The following TELO2 variants were observed in gnomAD, a reference collection of about 807,000 sequenced individuals.
TELO2 encodes the protein telomere length regulation protein TEL2 homolog.
A neutral mutation model predicts 91.0 loss-of-function variants in TELO2; 71 were observed. The ratio of observed to expected loss-of-function variants is 0.78; its 90% CI spans 0.64 to 0.95. The LOEUF (loss-of-function observed/expected upper bound fraction) is 0.95, where lower values mean the gene tolerates loss of function less well. Ranked by LOEUF, TELO2 falls within the 40% of genes least tolerant of loss-of-function variation. The probability of loss-of-function intolerance (pLI) is 0.00; values close to 1 mark genes in which losing one functional copy is unlikely to be tolerated. For missense variants in TELO2, 1,183 were observed against 1,141.3 expected (o/e 1.04, Z -0.53); for synonymous variants, 584 against 518.9 (o/e 1.13, Z -1.71).
chr16:1,504,433 C>T (rs1315132491), intron 15 of TELO2, among the ~76,000 whole-genome samples: 2 of 26,924 alleles, frequency 7.4e-5, no homozygotes, highest in Middle Eastern at 0.05. Context: ...GACTCCATCT[C>T]AAAAAAAAAA....
chr16:1,497,044 G>T lies in TELO2; in HGVS notation c.622G>T (p.Asp208Tyr), dbSNP rs142753188. 353 of 1,613,886 alleles carry T rather than the reference G, an allele frequency of 2.2e-4. No individual in the cohort carries two copies. The highest frequency in any genetic ancestry group is 2.9e-4 in the Non-Finnish European group (337 of 1,179,966). ...AVVDSLQGGL[D>Y]SSVSFVSQVL... The stretch of plus-strand genomic sequence containing the variant: ...CTCCCTTTCTGTCCCAGGTGGCCTG[G>T]ATTCCTCCGTGTCCTTCGTGTCTCA... Residue 208 changes from aspartate (D) to tyrosine (Y), a missense_variant, in exon 4 of 21, where the codon GAT (aspartate) becomes TAT (tyrosine). Coordinates refer to ENST00000262319, the MANE Select transcript of TELO2 (RefSeq NM_016111.4). The surrounding 1 kb of genome is among the most constrained non-coding windows in gnomAD (Gnocchi z 4.0).
In TELO2 at chr16:1,500,174, T is replaced by C; in HGVS notation, c.1002+10T>C. 6.3e-7 allele frequency: 1 copy of C among 1,597,106 alleles called. No homozygotes were observed. The highest frequency in any genetic ancestry group is 8.5e-7 in the Non-Finnish European group (1 of 1,176,014). On this transcript the variant is annotated intron_variant, in intron 7 of 20. Coordinates refer to ENST00000262319, the MANE Select transcript of TELO2 (RefSeq NM_016111.4). Reference sequence around the variant, plus strand: ...CCCGCTCCTGCTGCAGGTACGTGCCTCCTGGCTCTCCGTCCCTGCGAGGCC... The same window carrying C: ...CCCGCTCCTGCTGCAGGTACGTGCCCCCTGGCTCTCCGTCCCTGCGAGGCC...
rs772830050 is a variant in TELO2 at position 1,510,423 on chromosome 16, G to C, written c.*487G>C. 9.0e-6 allele frequency: 2 copies of C among 223,044 alleles called. No homozygotes were observed. The highest frequency in any genetic ancestry group is 4.7e-5 in the African/African-American group (2 of 42,514). 13.8% of individuals were successfully genotyped at this position (223,044 alleles called of 1,614,324 possible). A position where few individuals can be genotyped will look rare whatever the true frequency, so the allele number is the denominator to read the frequency against. On this transcript the variant is annotated 3_prime_UTR_variant, in exon 21 of 21. Transcript: ENST00000262319. ...CGTGGGGCGGGATGGGACAGGGCACGGGCTCTCAGAAAATAAACTGCTTTA... is the reference window on the plus strand; with the variant it reads ...CGTGGGGCGGGATGGGACAGGGCACCGGCTCTCAGAAAATAAACTGCTTTA...
In TELO2 at chr16:1,506,286, G is replaced by A. The variant is rs772827036; in HGVS notation, c.2083G>A (p.Val695Met). 4.3e-6 allele frequency: 7 copies of A among 1,613,862 alleles called. No homozygotes were observed. The highest frequency in any genetic ancestry group is 1.3e-5 in the African/African-American group (1 of 74,942). ...AGGCAGCCCCAGCAGATTCAACTCC[G>A]TGGCCGGCCACTTCTTCTTCCCCCT... ...PAGSPSRFNSVAGHFFFPLLQ... is the reference protein window; with the variant it reads ...PAGSPSRFNSMAGHFFFPLLQ... The change falls in exon 17 of 21, where the codon GTG becomes ATG. Residue 695 changes from valine (V) to methionine (M), a missense_variant. Coordinates refer to ENST00000262319, the MANE Select transcript of TELO2 (RefSeq NM_016111.4).
rs764398467 is a variant in TELO2 at position 1,509,866 on chromosome 16, C to T, written c.2444C>T (p.Thr815Met). The change falls in exon 21 of 21, where the codon ACG (threonine) becomes ATG (methionine). Residue 815 changes from threonine (T) to methionine (M), a missense_variant. Thr to Met is a moderately conservative substitution (Grantham distance 81, BLOSUM62 -1). Transcript: ENST00000262319. The part of the protein sequence containing the change: ...AEKDPDEDCR[T>M]LALRALLLLQ... ...AAAGACCCGGACGAGGACTGCAGGA[C>T]GCTGGCACTGAGGGCCCTGCTGCTT... The T allele has an allele frequency of 8.1e-6, 13 of 1,612,554 alleles. No individual in the cohort carries two copies. The highest frequency in any genetic ancestry group is 6.6e-5 in the South Asian group (6 of 90,900).
At position 1,494,177 on chromosome 16, in the gene TELO2, C is replaced by A; in HGVS notation, c.-36-69C>A. The stretch of plus-strand genomic sequence containing the variant: ...GGGGTGTGGGGTCTCGGGGCGCTCA[C>A]CGAGGGGCTTCCTGAGCTTGTGTGG... On this transcript the variant is annotated intron_variant, in intron 1 of 20. Coordinates refer to ENST00000262319, the MANE Select transcript of TELO2 (RefSeq NM_016111.4). The surrounding 1 kb of genome is among the most constrained non-coding windows in gnomAD (Gnocchi z 5.6). The A allele has an allele frequency of 8.7e-7, 1 of 1,156,010 alleles. No individual in the cohort carries two copies. The highest frequency in any genetic ancestry group is 1.2e-6 in the Non-Finnish European group (1 of 817,712). The allele number at this position is 1,156,010 out of a possible 1,614,324, so 71.6% of individuals were successfully genotyped here.
At chr16:1,506,698 G>T in intron 17 of TELO2, 1 of 1,384,566 alleles carries the variant, frequency 7.2e-7, no homozygotes, top group South Asian at 1.5e-5. Flanking sequence ...GAAGTGTGGG[G>T]CCTGGGTTGT....
In TELO2 at chr16:1,509,997, C is replaced by G; in HGVS notation, c.*61C>G. The G allele has an allele frequency of 1.4e-6, 2 of 1,442,624 alleles. No homozygotes were observed. Among genetic ancestry groups the G allele is most frequent in the South Asian group, 2.4e-5 (2 of 81,980 alleles). The allele number at this position is 1,442,624 out of a possible 1,614,324, so 89.4% of individuals were successfully genotyped here. A position where few individuals can be genotyped will look rare whatever the true frequency, so the allele number is the denominator to read the frequency against. The stretch of plus-strand genomic sequence containing the variant: ...AGCAAGGCAGGCGGCTGAGCAGCGG[C>G]CTGGAGCAGCAGAGCCAGGCTTTGT... On this transcript the variant is annotated 3_prime_UTR_variant, in exon 21 of 21. Transcript: ENST00000262319.
In TELO2 at chr16:1,499,261, C is replaced by A; in HGVS notation, c.861C>A (p.Asn287Lys). The A allele has an allele frequency of 6.2e-7, 1 of 1,614,046 alleles. No homozygotes were observed. The highest frequency in any genetic ancestry group is 8.5e-7 in the Non-Finnish European group (1 of 1,180,010). ...GPEVLSRLLGNLVVKNKKAQF... is the reference protein window; with the variant it reads ...GPEVLSRLLGKLVVKNKKAQF... ...AGGTCCTTTCGAGACTGCTGGGGAA[C>A]CTGGTGGTGAAGAACAAGAAGGCCC... The change falls in exon 6 of 21, where the codon AAC (asparagine) becomes AAA (lysine). Residue 287 changes from asparagine to lysine, a missense_variant. Coordinates refer to ENST00000262319, the MANE Select transcript of TELO2 (RefSeq NM_016111.4).
chr16:1,506,863 G>T lies in TELO2; in HGVS notation c.2127-89G>T, dbSNP rs529508909. The T allele has an allele frequency of 4.8e-6, 7 of 1,463,850 alleles. No homozygotes were observed. In the African/African-American group the frequency reaches 8.5e-5, roughly 18 times the overall value. The allele number at this position is 1,463,850 out of a possible 1,614,324, so 90.7% of individuals were successfully genotyped here. Reference sequence around the variant, plus strand: ...GGGCACGGGAGGAGGGGCTGTGTGGGGCTCCCTCGGTCTCCCACGGTGGCC... The same window carrying T: ...GGGCACGGGAGGAGGGGCTGTGTGGTGCTCCCTCGGTCTCCCACGGTGGCC... On this transcript the variant is annotated intron_variant, in intron 17 of 20. Transcript: ENST00000262319.
chr16:1,506,601 A>G lies in TELO2; in HGVS notation c.2126+272A>G, dbSNP rs1278022882. ...CCGCCCGCACGTGCCCGACGCCATC[A>G]CCTGCTGGGCCCTGCTCGCCTCCTC... On this transcript the variant is annotated intron_variant, in intron 17 of 20. Coordinates refer to ENST00000262319, the MANE Select transcript of TELO2 (RefSeq NM_016111.4). 2.9e-6 allele frequency: 4 copies of G among 1,396,474 alleles called. No homozygotes were observed. In the African/African-American group the frequency reaches 5.8e-5, roughly 20 times the overall value. 86.5% of individuals were successfully genotyped at this position (1,396,474 alleles called of 1,614,324 possible). A position where few individuals can be genotyped will look rare whatever the true frequency, so the allele number is the denominator to read the frequency against.
chr16:1,507,756 G>C, intron 20 of TELO2, 40 bp downstream of exon 20: 1 of 1,429,138 alleles, frequency 7.0e-7, no homozygotes, highest in Non-Finnish European at 9.3e-7. Context: ...GATGTGTGTC[G>C]GCCCGGGGTG....
rs2039414059 is a variant in TELO2 at position 1,494,633 on chromosome 16, C to A, written c.335+17C>A. 2 of 1,602,874 alleles carry A rather than the reference C, an allele frequency of 1.2e-6. No homozygotes were observed. Reference sequence around the variant, plus strand: ...TGCTGCGGGGTGAGTGGGCTGGGCCCATCCTGGGGTTGCCGGTAGCCTCAG... The same window carrying A: ...TGCTGCGGGGTGAGTGGGCTGGGCCAATCCTGGGGTTGCCGGTAGCCTCAG... On this transcript the variant is annotated intron_variant, in intron 2 of 20. Coordinates refer to ENST00000262319, the MANE Select transcript of TELO2 (RefSeq NM_016111.4). The surrounding 1 kb of genome is among the most constrained non-coding windows in gnomAD (Gnocchi z 5.6).
At chr16:1,496,328 G>A (rs1178828141) in intron 3 of TELO2, among the ~76,000 whole-genome samples, 1 of 152,148 alleles carries the variant, frequency 6.6e-6, no homozygotes, top group Non-Finnish European at 1.5e-5. Context: ...GAGTCCCTGC[G>A]TGGGGCCTGT....
chr16:1,495,611 G>A lies in TELO2; in HGVS notation c.601G>A (p.Asp201Asn), dbSNP rs1163915310. The A allele has an allele frequency of 6.3e-6, 10 of 1,599,312 alleles. No individual in the cohort carries two copies. Among genetic ancestry groups the A allele is most frequent in the Non-Finnish European group, 8.5e-6 (10 of 1,170,732 alleles). ...EVVRVLQAVVDSLQGGLDSSV... is the reference protein window; with the variant it reads ...EVVRVLQAVVNSLQGGLDSSV... ...CGTCCGGGTGCTGCAGGCGGTTGTG[G>A]ACTCTCTCCAAGGTGAGGCCCTGCC... The change falls in exon 3 of 21, where the codon GAC (aspartate) becomes AAC (asparagine). Residue 201 changes from aspartate to asparagine, a missense_variant. Asp to Asn is a conservative substitution (Grantham distance 23, BLOSUM62 1). Coordinates refer to ENST00000262319, the MANE Select transcript of TELO2 (RefSeq NM_016111.4).
In TELO2 at chr16:1,505,341, C is replaced by T; in HGVS notation, c.1843-69C>T. On this transcript the variant is annotated intron_variant, in intron 15 of 20. Transcript: ENST00000262319. The surrounding 1 kb of genome is among the most constrained non-coding windows in gnomAD (Gnocchi z 4.3). ...CCCGGGCCCGTTTCTGGGGCTTTGG[C>T]TGACTTGACTCTTGGGAAATGTTCT... The T allele has an allele frequency of 6.5e-7, 1 of 1,533,612 alleles. No homozygotes were observed. Among genetic ancestry groups the T allele is most frequent in the Middle Eastern group, 2.0e-4 (1 of 4,898 alleles).
In TELO2 at chr16:1,494,293, A is replaced by G. The variant is rs774902820; in HGVS notation, c.12A>G (p.Ala4=). The G allele has an allele frequency of 1.2e-6, 2 of 1,612,098 alleles. No homozygotes were observed. The highest frequency in any genetic ancestry group is 1.7e-6 in the Non-Finnish European group (2 of 1,179,408). Residue 4 remains alanine (A), a synonymous_variant, in exon 2 of 21, where the codon GCA becomes GCG. Transcript: ENST00000262319. This position sits in a 1 kb window ranked among gnomAD's most constrained non-coding sequence, Gnocchi z 5.6. MEP[A]PSEVRLAVRE... The stretch of plus-strand genomic sequence containing the variant: ...ATCTGTCCTGCAGGATGGAGCCAGC[A>G]CCCTCAGAGGTTCGACTCGCCGTCC...
At position 1,505,556 on chromosome 16, in the gene TELO2, G is replaced by T; in HGVS notation, c.1989G>T (p.Val663=). The change falls in exon 16 of 21, where the codon GTG becomes GTT. Residue 663 remains valine, a synonymous_variant. Coordinates refer to ENST00000262319, the MANE Select transcript of TELO2 (RefSeq NM_016111.4). This position sits in a 1 kb window ranked among gnomAD's most constrained non-coding sequence, Gnocchi z 4.3. ...PGSAVASDWR[V]VVEERIRSKT... ...GTGCCGTGGCGTCTGACTGGCGGGT[G>T]GTGGTGGAGGAGCGGATCAGAAGCA... 1 of 1,612,852 alleles carries T rather than the reference G, an allele frequency of 6.2e-7. No individual in the cohort carries two copies. The highest frequency in any genetic ancestry group is 2.2e-5 in the East Asian group (1 of 44,864).
chr16:1,495,803 G>T (rs1388235055), intron 3 of TELO2, among the ~76,000 whole-genome samples, 180 bp downstream of exon 3: 1 of 152,260 alleles, frequency 6.6e-6, no homozygotes, highest in African/African-American at 2.4e-5. Context: ...GCTGTGGGCT[G>T]AAGTCCGCTG....
Sources: allele counts gnomAD v4.1 joint callset (sites outside exome capture counted in the v4.1 genomes callset), GRCh38; gene constraint gnomAD v4.1.1; non-coding constraint Gnocchi (gnomAD v3.1); transcripts MANE v1.5; gene names NCBI Gene and HGNC (gene_info 2026-07-23, HGNC 2026-07-21).